The following LRMDA variants were observed in gnomAD, a reference collection of about 807,000 sequenced individuals.
LRMDA encodes leucine rich melanocyte differentiation associated.
LRMDA carries 18 observed loss-of-function variants against 29.8 expected under a neutral mutation model. That is an observed-to-expected ratio of 0.60 (90% CI 0.42 to 0.90). The LOEUF (loss-of-function observed/expected upper bound fraction) is 0.90. LRMDA is among the 40% of genes least tolerant of loss of function. LRMDA has a pLI of 0.00. For synonymous variants in LRMDA, 125 were observed against 109.4 expected (o/e 1.14, Z -0.89); for missense variants, 273 against 273.9 (o/e 1.00, Z 0.02).
At chr10:75,461,539 C>T (rs1049448017) in intron 2 of LRMDA, among the ~76,000 whole-genome samples, 1 of 152,138 alleles carries the variant, frequency 6.6e-6, no homozygotes, top group Non-Finnish European at 1.5e-5. Flanking sequence ...TGAATCCCAT[C>T]ACCCCTATTG....
intron 2 of LRMDA, among the ~76,000 whole-genome samples, chr10:75,698,256 C>T (rs1374646647): frequency 6.6e-6 from 1 of 152,082 alleles, no homozygotes; most frequent in African/African-American, 2.4e-5. Context: ...GATTCCAACC[C>T]CAGCTCCGAC....
chr10:76,247,952 G>A (rs967556830), intron 5 of LRMDA, among the ~76,000 whole-genome samples: 2 of 152,120 alleles, frequency 1.3e-5, no homozygotes, highest in Non-Finnish European at 2.9e-5. Flanking sequence ...AGTCCAAGTG[G>A]AAGGGTATTG....
At chr10:75,507,176 T>C (rs1216464015) in intron 2 of LRMDA, among the ~76,000 whole-genome samples, 1 of 151,806 alleles carries the variant, frequency 6.6e-6, no homozygotes, top group African/African-American at 2.4e-5. Context: ...AAATGGTGTA[T>C]TGTCAGTTCC....
intron 5 of LRMDA, chr10:76,270,593 ATT>A: frequency 6.6e-6 from 1 of 152,410 alleles, no homozygotes; most frequent in African/African-American, 2.4e-5. Flanking sequence ...CCTGCAGCCC[ATT>A]TTCTTTTACA....
At chr10:75,852,613 A>G (rs1476085154) in intron 2 of LRMDA, among the ~76,000 whole-genome samples, 2 of 152,108 alleles carry the variant, frequency 1.3e-5, no homozygotes, top group African/African-American at 4.8e-5. Flanking sequence ...TTGAGATGTG[A>G]TCCTGGATTG....
chr10:75,780,938 G>C lies in LRMDA; in HGVS notation c.132-255070G>C, dbSNP rs61729567. ...AGCTCAAACTTGCCATTACCTAAAG[G>C]AATAAGTCTTAACTCTTTAGTATGA... On this transcript the variant is annotated intron_variant, in intron 2 of 6. Coordinates refer to ENST00000611255, the MANE Select transcript of LRMDA (RefSeq NM_001305581.2). Among the ~76,000 whole-genome samples the C allele has an allele frequency of 5.3e-3, 802 of 152,306 alleles. 11 individuals are homozygous for C. The highest frequency in any genetic ancestry group is 0.019 in the African/African-American group (771 of 41,570).
At chr10:75,932,296 T>C (rs1423496340) in intron 2 of LRMDA, among the ~76,000 whole-genome samples, 1 of 152,172 alleles carries the variant, frequency 6.6e-6, no homozygotes, top group African/African-American at 2.4e-5. Context: ...AAATTACTTA[T>C]CTTGGGTTCT....
intron 3 of LRMDA, among the ~76,000 whole-genome samples, chr10:76,039,660 T>C (rs1848309793): frequency 1.3e-5 from 2 of 152,236 alleles, no homozygotes; most frequent in African/African-American, 4.8e-5. Flanking sequence ...GAAGGCAGAC[T>C]TCCTGAGCTT....
intron 2 of LRMDA, among the ~76,000 whole-genome samples, chr10:75,978,416 A>G (rs1410045092): frequency 6.6e-6 from 1 of 152,220 alleles, no homozygotes; most frequent in Non-Finnish European, 1.5e-5. Flanking sequence ...AGGAACAAAC[A>G]GGAGTCTCAT....
At chr10:76,142,519 A>AT (rs11441922) in intron 5 of LRMDA, among the ~76,000 whole-genome samples, 136,497 of 150,598 alleles carry the variant, frequency 0.91, 61,894 homozygotes, top group East Asian at 0.93. Context: ...GTCACGCTTG[A>AT]TTTTTTTTTC....
chr10:75,871,634 C>T (rs1204401615), intron 2 of LRMDA, among the ~76,000 whole-genome samples: 1 of 152,188 alleles, frequency 6.6e-6, no homozygotes, highest in East Asian at 1.9e-4. Context: ...CGTGTCCTCT[C>T]AGGCTCCACT....
intron 2 of LRMDA, among the ~76,000 whole-genome samples, chr10:75,610,353 AAC>A (rs2132098510): frequency 6.6e-6 from 1 of 151,742 alleles, no homozygotes; most frequent in East Asian, 1.9e-4. Flanking sequence ...CCTCACCACA[AAC>A]ACACACCCCA....
intron 5 of LRMDA, among the ~76,000 whole-genome samples, chr10:76,090,445 A>T (rs1161455453): frequency 1.3e-5 from 2 of 152,202 alleles, no homozygotes; most frequent in East Asian, 3.8e-4. Context: ...GGAATGCAAA[A>T]TGCTATGGAA....
chr10:75,587,394 T>G (rs1840669982), intron 2 of LRMDA, among the ~76,000 whole-genome samples: 1 of 152,228 alleles, frequency 6.6e-6, no homozygotes, highest in African/African-American at 2.4e-5. Flanking sequence ...TTCTAGAGGC[T>G]TCTTAAAAGA....
At chr10:75,904,110 G>C (rs1415726951) in intron 2 of LRMDA, among the ~76,000 whole-genome samples, 1 of 152,128 alleles carries the variant, frequency 6.6e-6, no homozygotes, top group Non-Finnish European at 1.5e-5. Flanking sequence ...GTGTCTCTTT[G>C]GCTGGGAGAA....
chr10:76,503,050 T>A (rs1014536146), intron 6 of LRMDA, among the ~76,000 whole-genome samples: 7 of 152,096 alleles, frequency 4.6e-5, no homozygotes, highest in African/African-American at 1.7e-4. Context: ...ATGGCTCTTA[T>A]TATTTTGAAG....
Position 75,640,418 on chromosome 10 carries a change from T to C in LRMDA, c.131+201924T>C, listed in dbSNP as rs552635570. ...CAGAAGAGCATTTTGCCTTCTCCCC[T>C]CCCTTTGTGATTTTAGCAGGATGTT... On this transcript the variant is annotated intron_variant, in intron 2 of 6. Coordinates refer to ENST00000611255, the MANE Select transcript of LRMDA (RefSeq NM_001305581.2). 2.6e-5 allele frequency among the ~76,000 whole-genome samples: 4 copies of C among 152,290 alleles called. 1 individual carries two copies. In the South Asian group the frequency reaches 8.3e-4, roughly 32 times the overall value.
intron 6 of LRMDA, among the ~76,000 whole-genome samples, chr10:76,453,743 G>A (rs1215337867): frequency 6.6e-6 from 1 of 152,156 alleles, no homozygotes; most frequent in Non-Finnish European, 1.5e-5. Flanking sequence ...CTCAGCAGTT[G>A]GATGTAGATT....
intron 2 of LRMDA, among the ~76,000 whole-genome samples, chr10:75,935,701 A>C (rs1042070672): frequency 6.6e-6 from 1 of 152,206 alleles, no homozygotes; most frequent in African/African-American, 2.4e-5. Context: ...ATGGCAGGGC[A>C]TGAAGGGCTG....
Sources: allele counts gnomAD v4.1 joint callset (sites outside exome capture counted in the v4.1 genomes callset), GRCh38; gene constraint gnomAD v4.1.1; transcripts MANE v1.5; gene names NCBI Gene and HGNC (gene_info 2026-07-23, HGNC 2026-07-21).